POLI: variants seen among roughly 807,000 people sequenced by gnomAD.
The protein encoded by POLI is RAD30 homolog B.
In POLI, 58 loss-of-function variants were observed where a neutral mutation model predicts 51.6. That is an observed-to-expected ratio of 1.12 (90% CI 0.91 to 1.40). The LOEUF is 1.40. POLI is among the 40% of genes most tolerant of loss of function. The pLI is 0.00. For synonymous variants in POLI, 322 were observed against 299.7 expected, an observed-to-expected ratio of 1.07 and a Z score of -0.77; for missense variants, 921 against 871.3, an observed-to-expected ratio of 1.06 and a Z score of -0.72.
In POLI at chr18:54,283,944, T is replaced by C. The variant is rs1466392528; in HGVS notation, c.998T>C (p.Phe333Ser). 1 of 1,400,840 alleles carries C rather than the reference T, an allele frequency of 7.1e-7. No individual in the cohort carries two copies. The allele number at this position is 1,400,840 out of a possible 1,614,324, so 86.8% of individuals were successfully genotyped here. ...TAGTCCTTTAGTGAAGAAGATTCAT[T>C]TAAAAAATGTTCATCTGAAGTTGAA... is the stretch of plus-strand genomic sequence containing the variant. Reference protein sequence around the residue: ...PPQSFSEEDSFKKCSSEVEAK... With the variant: ...PPQSFSEEDSSKKCSSEVEAK... The change falls in exon 7 of 10, where the codon TTT becomes TCT. Residue 333 changes from phenylalanine to serine, a missense_variant. Coordinates refer to ENST00000579534, the MANE Select transcript of POLI (RefSeq NM_007195.3).
chr18:54,298,554 C>G (rs930686038), downstream of POLI, among the ~76,000 whole-genome samples: 18 of 151,318 alleles, frequency 1.2e-4, no homozygotes, highest in African/African-American at 4.4e-4. Flanking sequence ...TCCAGGAACC[C>G]TGAACGAAGA....
At chr18:54,278,006 T>C (rs908475049) in intron 4 of POLI, among the ~76,000 whole-genome samples, 151 bp downstream of exon 4, 2 of 152,210 alleles carry the variant, frequency 1.3e-5, no homozygotes, top group African/African-American at 4.8e-5. Flanking sequence ...ACAGCTAAAA[T>C]TAGGTGCTGC....
downstream of POLI, among the ~76,000 whole-genome samples, chr18:54,302,314 TC>T (rs1243704317): frequency 6.6e-6 from 1 of 152,206 alleles, no homozygotes; most frequent in Non-Finnish European, 1.5e-5. Flanking sequence ...TTAGTATACT[TC>T]CTAGATTCTC....
chr18:54,284,326 A>G (rs2087650345), intron 7 of POLI, among the ~76,000 whole-genome samples: 2 of 152,224 alleles, frequency 1.3e-5, no homozygotes, highest in South Asian at 4.1e-4. Context: ...TCTGGTCTTC[A>G]GGTGAGAAGA....
chr18:54,318,175 A>G (rs983667254), intron 3 of POLI, among the ~76,000 whole-genome samples: 32 of 152,142 alleles, frequency 2.1e-4, no homozygotes, highest in African/African-American at 7.7e-4. Context: ...TGTAATAAAT[A>G]TTTTTGGATA....
At chr18:54,304,258 T>A (rs957462523) in intron 3 of POLI, among the ~76,000 whole-genome samples, 4 of 152,212 alleles carry the variant, frequency 2.6e-5, no homozygotes, top group African/African-American at 4.8e-5. Flanking sequence ...TGATGTATAA[T>A]CCTTTGGATA....
At chr18:54,300,442 C>A (rs539453659), downstream of POLI, among the ~76,000 whole-genome samples, 181 of 151,778 alleles carry the variant, frequency 1.2e-3, no homozygotes, top group African/African-American at 4.2e-3. Context: ...CCTAAAATAA[C>A]CACTGAAATA....
At chr18:54,301,276 TCACACA>T (rs35448677), downstream of POLI, among the ~76,000 whole-genome samples, 18 of 150,360 alleles carry the variant, frequency 1.2e-4, no homozygotes, top group Non-Finnish European at 2.5e-4. Context: ...GAAACTCCCA[TCACACA>T]CACACACACA....
At chr18:54,281,529 C>T (rs1479627705) in intron 5 of POLI, among the ~76,000 whole-genome samples, 1 of 152,152 alleles carries the variant, frequency 6.6e-6, no homozygotes, top group East Asian at 1.9e-4. Context: ...ACCACTGAAA[C>T]TTAGATGTCA....
chr18:54,277,624 A>T, intron 3 of POLI, 79 bp from the exon 4 acceptor site: 1 of 839,324 alleles, frequency 1.2e-6, no homozygotes. Flanking sequence ...AATTTGATAA[A>T]TTTTTAAGCA....
chr18:54,317,318 G>C (rs1206463053), intron 3 of POLI, among the ~76,000 whole-genome samples: 1 of 152,116 alleles, frequency 6.6e-6, no homozygotes, highest in African/African-American at 2.4e-5. Flanking sequence ...AGACTTAAGA[G>C]ATAAAGTTAG....
chr18:54,271,679 G>A (rs963830384), intron 2 of POLI, among the ~76,000 whole-genome samples, 194 bp downstream of exon 2: 4 of 152,194 alleles, frequency 2.6e-5, no homozygotes, highest in Non-Finnish European at 5.9e-5. Flanking sequence ...TGGTGAATCT[G>A]AGAATAGTGT....
At chr18:54,293,505 T>G in intron 9 of POLI, 144 bp from the exon 10 acceptor site, 1 of 571,554 alleles carries the variant, frequency 1.7e-6, no homozygotes, top group Non-Finnish European at 3.0e-6. Flanking sequence ...AGTAGATCTC[T>G]AGTTGTTTGG....
At chr18:54,309,329 T>C (rs2088635247) in intron 3 of POLI, among the ~76,000 whole-genome samples, 1 of 152,230 alleles carries the variant, frequency 6.6e-6, no homozygotes, top group Non-Finnish European at 1.5e-5. Flanking sequence ...GTTTTCCTTC[T>C]AACAGTCAGA....
At chr18:54,314,135 T>A (rs1277273756) in intron 3 of POLI, among the ~76,000 whole-genome samples, 1 of 152,142 alleles carries the variant, frequency 6.6e-6, no homozygotes, top group Non-Finnish European at 1.5e-5. Flanking sequence ...TGATGCCTAG[T>A]TTGTTGAGGG....
chr18:54,284,976 G>C (rs2125633), intron 7 of POLI, among the ~76,000 whole-genome samples: 1 of 152,174 alleles, frequency 6.6e-6, no homozygotes, highest in Non-Finnish European at 1.5e-5. Context: ...TAACAGTTTA[G>C]AGTAGGTGTG....
chr18:54,293,619 G>A (rs660793), intron 9 of POLI, 30 bp from the exon 10 acceptor site: 4 of 1,424,344 alleles, frequency 2.8e-6, no homozygotes, highest in Non-Finnish European at 3.8e-6. Context: ...TATCAGATAT[G>A]TAAATTAGTC....
chr18:54,274,189 G>A (rs373576511), intron 3 of POLI, 99 bp downstream of exon 3: 1 of 573,740 alleles, frequency 1.7e-6, no homozygotes. Flanking sequence ...CATAAGTCAA[G>A]ATGCTTTTTC....
intron 3 of POLI, among the ~76,000 whole-genome samples, chr18:54,311,309 T>C (rs1301507815): frequency 1.3e-5 from 2 of 152,124 alleles, no homozygotes; most frequent in African/African-American, 4.8e-5. Context: ...CATATCCTTG[T>C]TTTTGCTAGC....
Sources: gnomAD v4.1 joint callset for allele counts (sites outside exome capture counted in the v4.1 genomes callset) on GRCh38, gnomAD v4.1.1 for gene constraint, MANE v1.5 for transcripts, NCBI Gene and HGNC (gene_info 2026-07-23, HGNC 2026-07-21) for gene names.